TRIM25: variants seen among roughly 807,000 people sequenced by gnomAD.
TRIM25 encodes the protein E3 ubiquitin/ISG15 ligase TRIM25.
A neutral mutation model predicts 65.2 loss-of-function variants in TRIM25; 45 were observed. The observed-to-expected ratio is 0.69, with a 90% CI of 0.54 to 0.89. TRIM25 has a LOEUF of 0.89. Among genes scored for constraint, TRIM25 ranks in the 40% least tolerant of loss-of-function variants. The pLI, the probability that TRIM25 is intolerant of heterozygous loss-of-function variation, is 0.00. For missense variants in TRIM25, 714 were observed against 803.7 expected (o/e 0.89, Z 1.35); for synonymous variants, 321 against 340.4 (o/e 0.94, Z 0.63).
At chr17:56,896,142 G>A (rs964871492) in intron 5 of TRIM25, among the ~76,000 whole-genome samples, 190 bp from the exon 6 acceptor site, 10 of 152,138 alleles carry the variant, frequency 6.6e-5, no homozygotes, top group African/African-American at 2.2e-4. Context: ...TCGTGGGGGC[G>A]GGGACTGACT....
Position 56,891,901 on chromosome 17 carries a change from G to A in TRIM25, c.1692C>T (p.Asn564=), listed in dbSNP as rs148351661. The change falls in exon 9 of 9, where the codon AAC becomes AAT. Residue 564 remains asparagine, a synonymous_variant. Coordinates refer to ENST00000316881, the MANE Select transcript of TRIM25 (RefSeq NM_005082.5). Reference sequence around the variant, plus strand: ...TGGTGGAGGGCAGGGTTTTCTCCACGTTATTGTGCCAGGCAGAGATCTTGG... The same window carrying A: ...TGGTGGAGGGCAGGGTTTTCTCCACATTATTGTGCCAGGCAGAGATCTTGG... ...FNTKISAWHN[N]VEKTLPSTKA... is the part of the protein sequence containing the mutation. The A allele has an allele frequency of 1.4e-5, 23 of 1,614,232 alleles. No homozygotes were observed. The highest frequency in any genetic ancestry group is 1.6e-4 in the Middle Eastern group (1 of 6,062).
intron 4 of TRIM25, among the ~76,000 whole-genome samples, chr17:56,900,343 CG>C (rs1431777704): frequency 6.6e-6 from 1 of 152,024 alleles, no homozygotes; most frequent in African/African-American, 2.4e-5. Flanking sequence ...ACTATAATCA[CG>C]CCATTGCATT....
At chr17:56,907,028 A>G (rs1011909685) in intron 2 of TRIM25, among the ~76,000 whole-genome samples, 1 of 152,188 alleles carries the variant, frequency 6.6e-6, no homozygotes, top group Admixed American at 6.5e-5. Flanking sequence ...CACTTGTGTA[A>G]AGGAAAATTG....
intron 5 of TRIM25, 45 bp downstream of exon 5, chr17:56,899,070 C>T: frequency 6.2e-7 from 1 of 1,610,124 alleles, no homozygotes; most frequent in South Asian, 1.1e-5. Flanking sequence ...CCTGGGGAGG[C>T]CACAGCCATG....
chr17:56,905,005 GAATA>G (rs1177164630), intron 2 of TRIM25, among the ~76,000 whole-genome samples: 1 of 152,178 alleles, frequency 6.6e-6, no homozygotes, highest in Non-Finnish European at 1.5e-5. Flanking sequence ...GCATGGGAAT[GAATA>G]AATAAATTCA....
chr17:56,890,141 T>C lies in TRIM25; in HGVS notation c.*1559A>G. On this transcript the variant is annotated 3_prime_UTR_variant, in exon 9 of 9. Coordinates refer to ENST00000316881, the MANE Select transcript of TRIM25 (RefSeq NM_005082.5). ...GGTCTCTAGTTCCCCAATGGTGACT[T>C]CTTTTCATATTATAGGAAGCCTGAC... 1 of 315,608 alleles carries C rather than the reference T, an allele frequency of 3.2e-6. No homozygotes were observed. The highest frequency in any genetic ancestry group is 5.8e-6 in the Non-Finnish European group (1 of 172,498). The allele number at this position is 315,608 out of a possible 1,614,324, so 19.6% of individuals were successfully genotyped here.
At chr17:56,895,731 A>C (rs922364184) in intron 6 of TRIM25, 127 bp from the exon 7 acceptor site, 51 of 1,227,390 alleles carry the variant, frequency 4.2e-5, no homozygotes, top group Non-Finnish European at 5.1e-5. Context: ...GAAAACAGAC[A>C]AGGCTAAAGT....
Position 56,913,693 on chromosome 17 carries a change from G to A in TRIM25, c.296C>T (p.Pro99Leu), listed in dbSNP as rs774740046. 1.9e-6 allele frequency: 3 copies of A among 1,582,468 alleles called. No homozygotes were observed. The highest frequency in any genetic ancestry group is 2.6e-6 in the Non-Finnish European group (3 of 1,164,468). Reference sequence around the variant, plus strand: ...GCAGGCCACCTGGGCATTCGGGCTGGGTGCAGAGGCGCGGGCGGGCGGCGT... The same window carrying A: ...GCAGGCCACCTGGGCATTCGGGCTGAGTGCAGAGGCGCGGGCGGGCGGCGT... ...VWTPPARASA[P>L]SPNAQVACDH... Residue 99 changes from proline (P) to leucine (L), a missense_variant, in exon 1 of 9, where the codon CCC becomes CTC. This residue lies in a region of TRIM25 where 291 missense variants were observed against 281.8 expected (regional missense o/e 1.03). Transcript: ENST00000316881. This position sits in a 1 kb window ranked among gnomAD's most constrained non-coding sequence, Gnocchi z 6.1.
At position 56,890,957 on chromosome 17, in the gene TRIM25, T is replaced by G; in HGVS notation, c.*743A>C. 1 of 454,574 alleles carries G rather than the reference T, an allele frequency of 2.2e-6. No individual in the cohort carries two copies. Among genetic ancestry groups the G allele is most frequent in the South Asian group, 1.6e-5 (1 of 64,496 alleles). The allele number at this position is 454,574 out of a possible 1,614,324, so 28.2% of individuals were successfully genotyped here. ...AGGAAGGATTTCCACCCAAACTGGA[T>G]CAGGGTCACCATGACCCTGAATCAC... On this transcript the variant is annotated 3_prime_UTR_variant, in exon 9 of 9. Transcript: ENST00000316881.
Position 56,913,905 on chromosome 17 carries a change from G to T in TRIM25, c.84C>A (p.Cys28Ter), listed in dbSNP as rs1208714087. The T allele has an allele frequency of 1.3e-6, 2 of 1,569,644 alleles. No individual in the cohort carries two copies. The highest frequency in any genetic ancestry group is 2.3e-5 in the South Asian group (2 of 85,784). Residue 28 changes from cysteine (C) to a stop codon, truncating the protein, a stop_gained, in exon 1 of 9, where the codon TGC becomes TGA. Transcript: ENST00000316881. LOFTEE classifies it high-confidence loss of function. This position sits in a 1 kb window ranked among gnomAD's most constrained non-coding sequence, Gnocchi z 6.1. ...EPFKEPVTTP[C>*]GHNFCGSCLN... is the part of the protein sequence containing the mutation. The stretch of plus-strand genomic sequence containing the variant: ...GGCACGACCCGCAGAAGTTGTGGCC[G>T]CACGGAGTGGTGACCGGCTCCTTGA...
chr17:56,913,618 G>A lies in TRIM25; in HGVS notation c.371C>T (p.Ala124Val), dbSNP rs750357880. 2.5e-6 allele frequency: 4 copies of A among 1,605,790 alleles called. No individual in the cohort carries two copies. The Admixed American group carries it at 5.0e-5, about 20-fold the overall frequency. ...CTGCAGGTGCTCCTGACAGAAGGAG[G>A]CCATGCACACCAAGCACGTCTTCAC... ...AAVKTCLVCM[A>V]SFCQEHLQPH... Residue 124 changes from alanine to valine, a missense_variant, in exon 1 of 9, where the codon GCC (alanine) becomes GTC (valine). Coordinates refer to ENST00000316881, the MANE Select transcript of TRIM25 (RefSeq NM_005082.5). The surrounding 1 kb of genome is among the most constrained non-coding windows in gnomAD (Gnocchi z 6.1).
intron 8 of TRIM25, among the ~76,000 whole-genome samples, chr17:56,894,476 C>G (rs1230942996): frequency 3.3e-5 from 5 of 152,228 alleles, no homozygotes; most frequent in Non-Finnish European, 7.3e-5. Flanking sequence ...TCTTGAACTC[C>G]TGACCTCAGG....
chr17:56,908,498 A>G lies in TRIM25; in HGVS notation c.663T>C (p.Asp221=), dbSNP rs1909564197. ...CATCCTGCTGCCTGTTTCTCACATC[A>G]TCCAGTGCTCTCGACGCCCCGTTGA... ...SQINGASRAL[D]DVRNRQQDVR... Residue 221 remains aspartate, a synonymous_variant, in exon 2 of 9, where the codon GAT becomes GAC. Coordinates refer to ENST00000316881, the MANE Select transcript of TRIM25 (RefSeq NM_005082.5). 1.2e-6 allele frequency: 2 copies of G among 1,613,982 alleles called. No homozygotes were observed. The highest frequency in any genetic ancestry group is 1.7e-6 in the Non-Finnish European group (2 of 1,180,038).
intron 8 of TRIM25, among the ~76,000 whole-genome samples, chr17:56,892,845 C>T (rs1909209577): frequency 6.6e-6 from 1 of 152,228 alleles, no homozygotes; most frequent in Non-Finnish European, 1.5e-5. Context: ...CACACTCCAA[C>T]AAGCAAGGCA....
In TRIM25 at chr17:56,904,486, C is replaced by A; in HGVS notation, c.696G>T (p.Met232Ile). ...DVRNRQQDVR[M>I]TANRKVEQLQ... The stretch of plus-strand genomic sequence containing the variant: ...GCTGCTCCACCTTTCTGTTTGCAGT[C>A]ATCTGAGAGGGCCAAGGTAAGAGGA... The change falls in exon 3 of 9, where the codon ATG becomes ATT. Residue 232 changes from methionine (M) to isoleucine (I), a missense_variant and splice_region_variant. Met to Ile is a conservative substitution (Grantham distance 10, BLOSUM62 1). This residue lies in a region of TRIM25 where 413 missense variants were observed against 498.2 expected (regional missense o/e 0.83). Coordinates refer to ENST00000316881, the MANE Select transcript of TRIM25 (RefSeq NM_005082.5). The A allele has an allele frequency of 6.2e-7, 1 of 1,613,970 alleles. No individual in the cohort carries two copies. Among genetic ancestry groups the A allele is most frequent in the South Asian group, 1.1e-5 (1 of 91,052 alleles).
Position 56,891,550 on chromosome 17 carries a change from T to TTCC in TRIM25, c.*149_*150insGGA. On this transcript the variant is annotated 3_prime_UTR_variant, in exon 9 of 9. Coordinates refer to ENST00000316881, the MANE Select transcript of TRIM25 (RefSeq NM_005082.5). ...CACTCTCACCCCTTTCCTGGCTAAA[T>TTCC]CCCACCTCCCACCCTCCCGCCAGCT... 1.7e-6 allele frequency: 1 copy of TTCC among 572,756 alleles called. No individual in the cohort carries two copies. The allele number at this position is 572,756 out of a possible 1,614,324, so 35.5% of individuals were successfully genotyped here. A position where few individuals can be genotyped will look rare whatever the true frequency, so the allele number is the denominator to read the frequency against.
At chr17:56,895,189 G>C (rs1268034019) in intron 8 of TRIM25, among the ~76,000 whole-genome samples, 154 bp downstream of exon 8, 1 of 152,224 alleles carries the variant, frequency 6.6e-6, no homozygotes, top group Non-Finnish European at 1.5e-5. Flanking sequence ...GAAAGGCACT[G>C]ATGACTGGGA....
intron 2 of TRIM25, among the ~76,000 whole-genome samples, chr17:56,907,752 C>A (rs1004264495): frequency 6.6e-6 from 1 of 152,160 alleles, no homozygotes; most frequent in Non-Finnish European, 1.5e-5. Context: ...TGACTGTAAT[C>A]TTACTTAGGA....
chr17:56,895,145 G>A (rs1156792986), intron 8 of TRIM25, among the ~76,000 whole-genome samples, 198 bp downstream of exon 8: 5 of 152,236 alleles, frequency 3.3e-5, no homozygotes, highest in Non-Finnish European at 5.9e-5. Flanking sequence ...TCAAAGGACC[G>A]ATTGTGAAAT....
Sources: allele counts gnomAD v4.1 joint callset (sites outside exome capture counted in the v4.1 genomes callset), GRCh38; gene constraint gnomAD v4.1.1; regional missense constraint gnomAD v4.1.1; non-coding constraint Gnocchi (gnomAD v3.1); transcripts MANE v1.5; gene names NCBI Gene and HGNC (gene_info 2026-07-23, HGNC 2026-07-21).